MMP16: variants seen among roughly 807,000 people sequenced by gnomAD.
MMP16 encodes matrix metallopeptidase 16, also known as matrix metalloproteinase-16.
A neutral mutation model predicts 67.8 loss-of-function variants in MMP16; 12 were observed. The observed-to-expected ratio is 0.18, with a 90% confidence interval of 0.11 to 0.29. MMP16 has a LOEUF of 0.29. Among genes scored for constraint, MMP16 ranks in the 10% least tolerant of loss-of-function variants. The pLI, the probability that MMP16 is intolerant of heterozygous loss-of-function variation, is 1.00. For synonymous variants in MMP16, 249 were observed against 255.9 expected (o/e 0.97, Z 0.26); for missense variants, 475 against 765.7 (o/e 0.62, Z 4.48).
At chr8:88,220,672 T>C (rs1003791242) in intron 1 of MMP16, among the ~76,000 whole-genome samples, 6 of 152,078 alleles carry the variant, frequency 3.9e-5, no homozygotes, top group Non-Finnish European at 8.8e-5. Flanking sequence ...CATAATTATC[T>C]GTGAGGATGA....
chr8:88,255,070 C>T (rs1810280999), intron 1 of MMP16, among the ~76,000 whole-genome samples: 1 of 152,100 alleles, frequency 6.6e-6, no homozygotes, highest in South Asian at 2.1e-4. Flanking sequence ...TATCTGTCCC[C>T]TCCAAATCTC....
chr8:88,310,746 T>C (rs1811282047), intron 1 of MMP16, among the ~76,000 whole-genome samples: 1 of 152,178 alleles, frequency 6.6e-6, no homozygotes, highest in Non-Finnish European at 1.5e-5. Context: ...CAATTTGTTC[T>C]AATGTACTGA....
intron 6 of MMP16, among the ~76,000 whole-genome samples, chr8:88,085,734 T>A (rs1311515581): frequency 6.6e-6 from 1 of 152,050 alleles, no homozygotes; most frequent in African/African-American, 2.4e-5. Flanking sequence ...TTTAATAAAA[T>A]GTTTATTTGT....
chr8:88,158,633 G>A (rs1421786129), intron 4 of MMP16, among the ~76,000 whole-genome samples: 3 of 152,124 alleles, frequency 2.0e-5, no homozygotes, highest in South Asian at 4.2e-4. Context: ...CACTCTGATG[G>A]TAGTTTCTTT....
chr8:88,279,878 G>T (rs996596743), intron 1 of MMP16, among the ~76,000 whole-genome samples: 2 of 152,134 alleles, frequency 1.3e-5, no homozygotes, highest in African/African-American at 4.8e-5. Flanking sequence ...AAGAAACTAT[G>T]TAAGAACCAT....
chr8:88,263,099 CA>C (rs1359224714), intron 1 of MMP16, among the ~76,000 whole-genome samples: 9 of 151,936 alleles, frequency 5.9e-5, no homozygotes, highest in Non-Finnish European at 1.2e-4. Context: ...ACACCACTAT[CA>C]TTGCCACCAC....
chr8:88,228,607 A>G (rs1809808094), intron 1 of MMP16, among the ~76,000 whole-genome samples: 1 of 152,120 alleles, frequency 6.6e-6, no homozygotes. Flanking sequence ...ACTTACATGT[A>G]TATACAATTA....
rs138739697 is a variant in MMP16, at chr8:88,248,068, C to A, written c.133-50762G>T. 2.6e-3 allele frequency among the ~76,000 whole-genome samples: 398 copies of A among 152,156 alleles called. 2 individuals are homozygous for A. The highest frequency in any genetic ancestry group is 9.0e-3 in the African/African-American group (374 of 41,534). On this transcript the variant is annotated intron_variant, in intron 1 of 9. Coordinates refer to ENST00000286614, the MANE Select transcript of MMP16 (RefSeq NM_005941.5). ...ACCATGTTGAAATATCCCCTATATA[C>A]ATACACCTCCCCAAAACTGAGACAC...
At chr8:88,227,682 G>A (rs1379504384) in intron 1 of MMP16, among the ~76,000 whole-genome samples, 6 of 151,988 alleles carry the variant, frequency 3.9e-5, no homozygotes, top group Non-Finnish European at 5.9e-5. Context: ...TCTTTCTAAT[G>A]TATAAAGACT....
intron 4 of MMP16, among the ~76,000 whole-genome samples, chr8:88,128,543 T>A (rs923978770): frequency 5.9e-5 from 9 of 151,734 alleles, no homozygotes; most frequent in African/African-American, 2.2e-4. Flanking sequence ...CTTTCAGATG[T>A]ACATATTATC....
intron 3 of MMP16, among the ~76,000 whole-genome samples, chr8:88,174,025 T>C (rs1808846072): frequency 6.6e-6 from 1 of 152,162 alleles, no homozygotes. Context: ...GAGAGAATAA[T>C]GAAAAATGTT....
At chr8:88,214,862 C>A (rs145829010) in intron 1 of MMP16, among the ~76,000 whole-genome samples, 2 of 152,218 alleles carry the variant, frequency 1.3e-5, no homozygotes, top group African/African-American at 4.8e-5. Context: ...CTGTTTACTG[C>A]CAGTGTGATA....
chr8:88,104,876 A>G (rs1456822235), intron 6 of MMP16, among the ~76,000 whole-genome samples: 1 of 151,570 alleles, frequency 6.6e-6, no homozygotes, highest in Non-Finnish European at 1.5e-5. Context: ...AGAAAAAAAA[A>G]ATCCAAAAAA....
At chr8:88,280,682 A>T (rs1307951478) in intron 1 of MMP16, among the ~76,000 whole-genome samples, 1 of 152,154 alleles carries the variant, frequency 6.6e-6, no homozygotes, top group Non-Finnish European at 1.5e-5. Context: ...CTTGAGCCCA[A>T]GAGTTCAAGA....
In MMP16 at chr8:88,327,279, G is replaced by T. The variant is rs1324113736; in HGVS notation, c.-73C>A. 41 of 1,589,936 alleles carry T rather than the reference G, an allele frequency of 2.6e-5. No homozygotes were observed. Among genetic ancestry groups the T allele is most frequent in the Non-Finnish European group, 3.4e-5 (40 of 1,164,454 alleles). On this transcript the variant is annotated 5_prime_UTR_variant, in exon 1 of 10. Transcript: ENST00000286614. ...CTCTCTCCCTCTCCCTCCCTCCCTC[G>T]TTTCCTTTCAAAAAAAAGTCCTCCG...
chr8:88,223,812 C>A (rs2129853814), intron 1 of MMP16, among the ~76,000 whole-genome samples: 2 of 151,830 alleles, frequency 1.3e-5, no homozygotes, highest in East Asian at 3.9e-4. Flanking sequence ...GCAAGTTGTG[C>A]ACATGTACCC....
intron 2 of MMP16, among the ~76,000 whole-genome samples, chr8:88,191,877 G>T (rs1056871940): frequency 6.6e-6 from 1 of 152,154 alleles, no homozygotes; most frequent in African/African-American, 2.4e-5. Flanking sequence ...CCAGGGAAAC[G>T]TCATCCCTTG....
rs1488656239 is a variant in MMP16, at chr8:88,037,992, T to G, written c.*3469A>C. On this transcript the variant is annotated 3_prime_UTR_variant, in exon 10 of 10. Transcript: ENST00000286614. The stretch of plus-strand genomic sequence containing the variant: ...TATTTTATGCCTTGCATATCTCTAG[T>G]AACACTGAACTGACACCTTATGTTA... 3 of 152,002 alleles carry G rather than the reference T, an allele frequency of 2.0e-5. No individual in the cohort carries two copies. The highest frequency in any genetic ancestry group is 4.4e-5 in the Non-Finnish European group (3 of 67,910). 9.4% of individuals were successfully genotyped at this position (152,002 alleles called of 1,614,324 possible).
At chr8:88,141,247 T>C (rs900501218) in intron 4 of MMP16, among the ~76,000 whole-genome samples, 2 of 152,200 alleles carry the variant, frequency 1.3e-5, no homozygotes, top group African/African-American at 4.8e-5. Context: ...AATAACTCAG[T>C]AGAGTAGTCT....
Sources: gnomAD v4.1 joint callset for allele counts (sites outside exome capture counted in the v4.1 genomes callset) on GRCh38, gnomAD v4.1.1 for gene constraint, MANE v1.5 for transcripts, NCBI Gene and HGNC (gene_info 2026-07-23, HGNC 2026-07-21) for gene names.